ATP11C: variants seen among roughly 807,000 people sequenced by gnomAD.
The protein encoded by ATP11C is ATPase phospholipid transporting 11C (ATP11C blood group), also known as phospholipid-transporting ATPase IG.
ATP11C carries 36 observed loss-of-function variants against 97.4 expected under a neutral mutation model. That is an observed-to-expected ratio of 0.37 (90% CI 0.28 to 0.49). ATP11C has a LOEUF of 0.49. Among genes scored for constraint, ATP11C ranks in the 20% least tolerant of loss-of-function variants. The probability of loss-of-function intolerance (pLI) is 0.98; values close to 1 mark genes in which losing one functional copy is unlikely to be tolerated. For missense variants in ATP11C, 730 were observed against 824.6 expected, an observed-to-expected ratio of 0.89 and a Z score of 1.40; for synonymous variants, 275 against 290.9, an observed-to-expected ratio of 0.95 and a Z score of 0.56.
rs1436217707 is a variant in ATP11C, at chrX:139,789,354, A to ATATGTCAAAATAT, written c.1340_1341insATATTTTGACATA (p.Leu448TyrfsTer9). On this transcript the variant is annotated frameshift_variant, in exon 13 of 30. Coordinates refer to ENST00000682941, the MANE Select transcript of ATP11C (RefSeq NM_001353812.2). LOFTEE classifies it high-confidence loss of function. The stretch of plus-strand genomic sequence containing the variant: ...TATCTACTTTGTCAAAATATGTTAA[A>ATATGTCAAAATAT]GTTCCATCAGTTTGAGATAATCCAT... The ATATGTCAAAATAT allele has an allele frequency of 8.3e-7, 1 of 1,204,361 alleles. No homozygotes were observed.
Position 139,788,183 on chromosome X carries a change from ATACTT to A in ATP11C, c.1520+4_1520+8del, listed in dbSNP as rs764535963. 1.8e-4 allele frequency: 216 copies of A among 1,190,983 alleles called. No homozygotes were observed. The South Asian group carries it at 3.9e-3, about 21-fold the overall frequency. ...TTTCTTAGGAGAAGTATAAGAAAGT[ATACTT>A]TACCTTTTAGCTCCTTTCACCAAAG... On this transcript the variant is annotated splice_donor_5th_base_variant and intron_variant, in intron 14 of 29. Coordinates refer to ENST00000682941, the MANE Select transcript of ATP11C (RefSeq NM_001353812.2).
Position 139,932,052 on chromosome X carries a change from G to C in ATP11C, c.-10C>G. 8.6e-7 allele frequency: 1 copy of C among 1,162,106 alleles called. No homozygotes were observed. The highest frequency in any genetic ancestry group is 1.1e-6 in the Non-Finnish European group (1 of 869,720). Reference sequence around the variant, plus strand: ...AGCTCCGGCGGAACATCGCGTCGAAGGCTGCCGGGCGCTGAGCTGGGCTCT... The same window carrying C: ...AGCTCCGGCGGAACATCGCGTCGAACGCTGCCGGGCGCTGAGCTGGGCTCT... On this transcript the variant is annotated 5_prime_UTR_variant, in exon 1 of 30. Transcript: ENST00000682941.
chrX:139,814,532 T>A (rs998055499), intron 5 of ATP11C, among the ~76,000 whole-genome samples: 3 of 112,034 alleles, frequency 2.7e-5, no homozygotes, highest in Admixed American at 9.5e-5. Context: ...TATTCAGCTA[T>A]CAAAAGGAAT....
intron 7 of ATP11C, among the ~76,000 whole-genome samples, chrX:139,801,588 G>A (rs918402394): frequency 3.6e-5 from 4 of 111,811 alleles, no homozygotes; most frequent in African/African-American, 9.8e-5. Flanking sequence ...ATTAGCCCAC[G>A]TGGGGATAAA....
At chrX:139,753,534 C>T (rs2081867302) in intron 23 of ATP11C, among the ~76,000 whole-genome samples, 3 of 111,962 alleles carry the variant, frequency 2.7e-5, no homozygotes, top group Non-Finnish European at 5.6e-5. Flanking sequence ...GAGGGCCGGG[C>T]ACAGTGGCTG....
chrX:139,927,559 G>A (rs915989887), intron 1 of ATP11C, among the ~76,000 whole-genome samples: 1 of 110,815 alleles, frequency 9.0e-6, no homozygotes, highest in African/African-American at 3.3e-5. Context: ...AGCCAAGATC[G>A]TGCCATTGCA....
chrX:139,865,317 C>T (rs1173461276), intron 1 of ATP11C, among the ~76,000 whole-genome samples: 2 of 112,010 alleles, frequency 1.8e-5, no homozygotes, highest in Non-Finnish European at 3.8e-5. Flanking sequence ...GCCATGATCA[C>T]GTTACTGCAA....
intron 5 of ATP11C, among the ~76,000 whole-genome samples, chrX:139,812,399 T>C (rs1040362312): frequency 3.6e-5 from 4 of 109,751 alleles, no homozygotes; most frequent in African/African-American, 1.3e-4. Flanking sequence ...TGGGGTGGAG[T>C]GTCAACAAAA....
intron 1 of ATP11C, among the ~76,000 whole-genome samples, chrX:139,918,381 G>A (rs1249198009): frequency 8.9e-6 from 1 of 111,964 alleles, no homozygotes; most frequent in African/African-American, 3.2e-5. Context: ...GGAGGCCGAG[G>A]CGGGTGGATC....
At chrX:139,918,928 G>A (rs2085203166) in intron 1 of ATP11C, among the ~76,000 whole-genome samples, 1 of 111,210 alleles carries the variant, frequency 9.0e-6, no homozygotes, top group African/African-American at 3.3e-5. Flanking sequence ...AGTTTTAGGT[G>A]TTTTCTTTAC....
intron 19 of ATP11C, among the ~76,000 whole-genome samples, chrX:139,773,043 G>A (rs906285116): frequency 7.2e-5 from 8 of 110,936 alleles, no homozygotes; most frequent in African/African-American, 2.6e-4. Context: ...CATGTGTTGT[G>A]GGAGGGACCC....
chrX:139,735,214 CT>C (rs2081418288), intron 28 of ATP11C, among the ~76,000 whole-genome samples: 2 of 111,604 alleles, frequency 1.8e-5, no homozygotes, highest in African/African-American at 6.5e-5. Context: ...CATAAGGTTG[CT>C]CTTATAATTG....
Position 139,727,532 on chromosome X carries a change from A to G in ATP11C, c.*1434T>C, listed in dbSNP as rs1460874704. The G allele has an allele frequency of 4.5e-5, 5 of 111,636 alleles. No homozygotes were observed. Among genetic ancestry groups the G allele is most frequent in the African/African-American group, 1.6e-4 (5 of 30,693 alleles). 9.2% of individuals were successfully genotyped at this position (111,636 alleles called of 1,213,427 possible). On this transcript the variant is annotated 3_prime_UTR_variant, in exon 30 of 30. Transcript: ENST00000682941. ...TAGAAAAAAATCATACCTAAACATT[A>G]ACACAAAATATATGTGGAAGAATCA...
rs373196740 is a variant in ATP11C at position 139,745,760 on chromosome X, A to G, written c.2926T>C (p.Phe976Leu). ...TCTAGGGATGCAGTCTGAAAAAGAA[A>G]GTAAGTCCCAAAGAAGAACACTGTC... ...EGTVFFFGTY[F>L]LFQTASLEEN... The change falls in exon 25 of 30, where the codon TTT becomes CTT. Residue 976 changes from phenylalanine (F) to leucine (L), a missense_variant. Transcript: ENST00000682941. The G allele has an allele frequency of 8.3e-7, 1 of 1,207,113 alleles. No individual in the cohort carries two copies. Among genetic ancestry groups the G allele is most frequent in the African/African-American group, 1.8e-5 (1 of 57,111 alleles).
At chrX:139,745,330 T>C (rs922024874) in intron 25 of ATP11C, among the ~76,000 whole-genome samples, 4 of 111,420 alleles carry the variant, frequency 3.6e-5, no homozygotes, top group Non-Finnish European at 7.5e-5. Context: ...TCCAAAGATA[T>C]GGCAGCTACC....
At chrX:139,883,287 T>C (rs1250670246) in intron 1 of ATP11C, among the ~76,000 whole-genome samples, 2 of 110,355 alleles carry the variant, frequency 1.8e-5, no homozygotes, top group East Asian at 2.9e-4. Flanking sequence ...AAAAGTTTCA[T>C]GAAGCCTGGT....
At chrX:139,767,677 TA>T (rs1419978557) in intron 20 of ATP11C, among the ~76,000 whole-genome samples, 1 of 111,075 alleles carries the variant, frequency 9.0e-6, no homozygotes, top group Non-Finnish European at 1.9e-5. Flanking sequence ...AGAGAGACCA[TA>T]AAGCTAAAAG....
At chrX:139,867,706 G>A (rs2084308216) in intron 1 of ATP11C, among the ~76,000 whole-genome samples, 2 of 112,184 alleles carry the variant, frequency 1.8e-5, no homozygotes, top group Admixed American at 1.9e-4. Flanking sequence ...GTAAGAGGGA[G>A]GATCTGGCAG....
Position 139,932,211 on chromosome X carries a change from C to A in ATP11C, c.-169G>T. On this transcript the variant is annotated 5_prime_UTR_variant, in exon 1 of 30. Coordinates refer to ENST00000682941, the MANE Select transcript of ATP11C (RefSeq NM_001353812.2). ...CCCCTCGGCTCTCCGCGCTCCCCCG[C>A]CCCCCAGCCGCCCGCAGCCTAGCCG... 4.2e-6 allele frequency: 1 copy of A among 236,508 alleles called. No individual in the cohort carries two copies. Among genetic ancestry groups the A allele is most frequent in the Non-Finnish European group, 6.1e-6 (1 of 163,210 alleles). The allele number at this position is 236,508 out of a possible 1,213,427, so 19.5% of individuals were successfully genotyped here.
Sources: allele counts gnomAD v4.1 joint callset (sites outside exome capture counted in the v4.1 genomes callset), GRCh38; gene constraint gnomAD v4.1.1; transcripts MANE v1.5; gene names NCBI Gene and HGNC (gene_info 2026-07-23, HGNC 2026-07-21).